Variants in GRXCR1 observed in about 807,000 individuals in gnomAD.
GRXCR1 encodes the protein glutaredoxin domain-containing cysteine-rich protein 1.
Under a neutral mutation model 27.3 loss-of-function variants are expected in GRXCR1, and 27 were observed. The observed-to-expected ratio is 0.99, with a 90% confidence interval of 0.73 to 1.37. The LOEUF (loss-of-function observed/expected upper bound fraction) is 1.37, where lower values mean the gene tolerates loss of function less well. Ranked by LOEUF, GRXCR1 falls within the 40% of genes most tolerant of loss-of-function variation. The pLI is 0.00. For missense variants in GRXCR1, 379 were observed against 354.4 expected, an observed-to-expected ratio of 1.07 and a Z score of -0.56; for synonymous variants, 122 against 131.1, an observed-to-expected ratio of 0.93 and a Z score of 0.47.
intron 1 of GRXCR1, 55 bp from the exon 2 acceptor site, chr4:42,962,837 T>G: frequency 6.2e-7 from 1 of 1,604,992 alleles, no homozygotes; most frequent in Non-Finnish European, 8.5e-7. Flanking sequence ...CTTAAAATCA[T>G]AAGACACAAG....
chr4:42,986,911 C>T (rs1051213828), intron 2 of GRXCR1, among the ~76,000 whole-genome samples: 2 of 151,646 alleles, frequency 1.3e-5, no homozygotes, highest in Non-Finnish European at 2.9e-5. Context: ...ACCGAACAAA[C>T]ATTGAGTACC....
At chr4:42,913,013 T>C (rs1464132467) in intron 1 of GRXCR1, among the ~76,000 whole-genome samples, 1 of 152,176 alleles carries the variant, frequency 6.6e-6, no homozygotes, top group African/African-American at 2.4e-5. Context: ...TGCTGCCCTA[T>C]GAAGAGGTGT....
At chr4:42,907,522 T>C (rs1345580367) in intron 1 of GRXCR1, among the ~76,000 whole-genome samples, 1 of 152,160 alleles carries the variant, frequency 6.6e-6, no homozygotes, top group African/African-American at 2.4e-5. Flanking sequence ...TCAGTCCCTG[T>C]AGAGTCTGAG....
intron 1 of GRXCR1, among the ~76,000 whole-genome samples, chr4:42,918,040 T>C (rs1213533761): frequency 6.6e-6 from 1 of 152,096 alleles, no homozygotes; most frequent in African/African-American, 2.4e-5. Flanking sequence ...ACAAAAATAA[T>C]GGAAAGCAGC....
intron 1 of GRXCR1, among the ~76,000 whole-genome samples, chr4:42,895,747 G>A (rs1231665591): frequency 6.6e-6 from 1 of 152,110 alleles, no homozygotes; most frequent in Non-Finnish European, 1.5e-5. Context: ...TTGGGGTAAT[G>A]TACATCTTAG....
rs558002732 is a variant in GRXCR1 at position 43,030,276 on chromosome 4, CAG to C, written c.694-84_694-83del. ...GCCAATATTGCTTTATGACCACTCA[CAG>C]TTCAGAAAGACCGGGAGGCTGATTG... On this transcript the variant is annotated intron_variant, in intron 3 of 3. Coordinates refer to ENST00000399770, the MANE Select transcript of GRXCR1 (RefSeq NM_001080476.3). 3,964 of 1,227,012 alleles carry C rather than the reference CAG, an allele frequency of 3.2e-3. 13 individuals are homozygous for C. Among genetic ancestry groups the C allele is most frequent in the South Asian group, 8.4e-3 (693 of 82,678 alleles). 76.0% of individuals were successfully genotyped at this position (1,227,012 alleles called of 1,614,324 possible).
intron 1 of GRXCR1, among the ~76,000 whole-genome samples, chr4:42,932,611 TATATATATAGAGAG>T (rs1211768536): frequency 2.3e-3 from 105 of 45,584 alleles, no homozygotes; most frequent in Non-Finnish European, 2.6e-3. Flanking sequence ...TATATATATA[TATATATATAGAGAG>T]AGAGAGAGAG....
chr4:42,978,526 A>C (rs887063126), intron 2 of GRXCR1, among the ~76,000 whole-genome samples: 4 of 151,574 alleles, frequency 2.6e-5, no homozygotes, highest in African/African-American at 9.7e-5. Context: ...TACTTCAATA[A>C]ATTTATTTCC....
intron 1 of GRXCR1, among the ~76,000 whole-genome samples, chr4:42,925,134 A>G (rs1347479975): frequency 6.6e-6 from 1 of 151,972 alleles, no homozygotes; most frequent in East Asian, 1.9e-4. Flanking sequence ...TAAAGAGCAC[A>G]TAGGTCCTTA....
chr4:42,995,049 A>G (rs1275358772), intron 2 of GRXCR1, among the ~76,000 whole-genome samples: 1 of 152,156 alleles, frequency 6.6e-6, no homozygotes, highest in Non-Finnish European at 1.5e-5. Context: ...TGTTTATTAA[A>G]CTGAATATTT....
chr4:42,932,085 CAT>C (rs1247637922), intron 1 of GRXCR1, among the ~76,000 whole-genome samples: 2 of 151,952 alleles, frequency 1.3e-5, no homozygotes, highest in Non-Finnish European at 2.9e-5. Context: ...CTTCCCATGA[CAT>C]GTGGGAATTG....
intron 3 of GRXCR1, among the ~76,000 whole-genome samples, chr4:43,022,159 A>G (rs1713112190): frequency 6.6e-6 from 1 of 152,198 alleles, no homozygotes; most frequent in Non-Finnish European, 1.5e-5. Flanking sequence ...TATTCTCTGT[A>G]CACACTTTAA....
intron 1 of GRXCR1, among the ~76,000 whole-genome samples, chr4:42,954,211 G>A (rs1431640481): frequency 2.0e-5 from 3 of 152,126 alleles, no homozygotes; most frequent in African/African-American, 7.2e-5. Context: ...GCAAAGAACT[G>A]GGTAAGAGGA....
At chr4:42,968,963 A>G (rs1417427938) in intron 2 of GRXCR1, among the ~76,000 whole-genome samples, 1 of 152,148 alleles carries the variant, frequency 6.6e-6, no homozygotes, top group Non-Finnish European at 1.5e-5. Flanking sequence ...GTGTCTGCCA[A>G]GGTGATCAAA....
chr4:43,028,377 T>C (rs1005788075), intron 3 of GRXCR1, among the ~76,000 whole-genome samples: 1 of 152,226 alleles, frequency 6.6e-6, no homozygotes, highest in Non-Finnish European at 1.5e-5. Flanking sequence ...GCGTCCTGTA[T>C]TTTTATTTGC....
chr4:43,013,807 A>G (rs773473624), intron 2 of GRXCR1, among the ~76,000 whole-genome samples: 9 of 152,182 alleles, frequency 5.9e-5, no homozygotes, highest in Non-Finnish European at 1.2e-4. Flanking sequence ...TTACTTTTAT[A>G]TAATTTGATA....
In GRXCR1 at chr4:43,030,395, G is replaced by T; in HGVS notation, c.728G>T (p.Gly243Val). Reference protein sequence around the residue: ...VQHPHECPSCGGFGFLPCSVC... With the variant: ...VQHPHECPSCVGFGFLPCSVC... Reference sequence around the variant, plus strand: ...CATCCACATGAGTGTCCCTCTTGTGGAGGCTTTGGCTTTCTTCCATGCTCC... The same window carrying T: ...CATCCACATGAGTGTCCCTCTTGTGTAGGCTTTGGCTTTCTTCCATGCTCC... The change falls in exon 4 of 4, where the codon GGA (glycine) becomes GTA (valine). Residue 243 changes from glycine to valine, a missense_variant. Transcript: ENST00000399770. The T allele has an allele frequency of 1.9e-6, 3 of 1,613,982 alleles. No homozygotes were observed. Among genetic ancestry groups the T allele is most frequent in the Non-Finnish European group, 2.5e-6 (3 of 1,179,996 alleles).
chr4:42,994,004 G>T (rs1176616315), intron 2 of GRXCR1, among the ~76,000 whole-genome samples: 1 of 152,148 alleles, frequency 6.6e-6, no homozygotes, highest in African/African-American at 2.4e-5. Context: ...AGGCTTTGAA[G>T]TAACTTTCTT....
chr4:42,960,543 T>A (rs1748107980), intron 1 of GRXCR1, among the ~76,000 whole-genome samples: 1 of 151,912 alleles, frequency 6.6e-6, no homozygotes, highest in South Asian at 2.1e-4. Context: ...TCCACTGACT[T>A]ATATTTGTTT....
Sources: gnomAD v4.1 joint callset for allele counts (sites outside exome capture counted in the v4.1 genomes callset) on GRCh38, gnomAD v4.1.1 for gene constraint, MANE v1.5 for transcripts, NCBI Gene and HGNC (gene_info 2026-07-23, HGNC 2026-07-21) for gene names.